SNW1: variants seen among roughly 807,000 people sequenced by gnomAD.
SNW1 encodes the protein SNW domain-containing protein 1.
SNW1 carries 9 observed loss-of-function variants against 75.6 expected under a neutral mutation model. That is an observed-to-expected ratio of 0.12 (90% confidence interval 0.07 to 0.21). The LOEUF (loss-of-function observed/expected upper bound fraction) is 0.21, where lower values mean the gene tolerates loss of function less well. SNW1 is among the 10% of genes least tolerant of loss of function. SNW1 has a pLI of 1.00. For synonymous variants in SNW1, 200 were observed against 219.1 expected, an observed-to-expected ratio of 0.91 and a Z score of 0.77; for missense variants, 409 against 670.9, an observed-to-expected ratio of 0.61 and a Z score of 4.31.
intron 3 of SNW1, among the ~76,000 whole-genome samples, chr14:77,743,859 G>A (rs376418531): frequency 5.9e-5 from 9 of 152,132 alleles, no homozygotes; most frequent in African/African-American, 2.2e-4. Flanking sequence ...AGTGCCAATG[G>A]CACATAATAG....
chr14:77,726,664 A>T (rs904554838), intron 10 of SNW1, among the ~76,000 whole-genome samples: 4 of 152,112 alleles, frequency 2.6e-5, no homozygotes, highest in Non-Finnish European at 5.9e-5. Context: ...AATAAAAAAA[A>T]TTAGCCAGGC....
chr14:77,726,879 G>A (rs2080590073), intron 10 of SNW1, among the ~76,000 whole-genome samples: 1 of 151,962 alleles, frequency 6.6e-6, no homozygotes, highest in Non-Finnish European at 1.5e-5. Flanking sequence ...CTGCCTTCTT[G>A]TTTTTCAGCT....
intron 8 of SNW1, among the ~76,000 whole-genome samples, chr14:77,732,969 A>T (rs2080639263): frequency 6.6e-6 from 1 of 152,184 alleles, no homozygotes; most frequent in African/African-American, 2.4e-5. Context: ...CTAAAATTAA[A>T]TTTAAATATG....
At chr14:77,740,579 A>G (rs756351651) in intron 3 of SNW1, among the ~76,000 whole-genome samples, 2 of 152,050 alleles carry the variant, frequency 1.3e-5, no homozygotes. Flanking sequence ...ACTTTTCCCC[A>G]ATTCTAGGCC....
chr14:77,759,166 T>A (rs2080865579), intron 1 of SNW1, among the ~76,000 whole-genome samples: 1 of 152,188 alleles, frequency 6.6e-6, no homozygotes, highest in East Asian at 1.9e-4. Flanking sequence ...TCCTCAAGAC[T>A]GGCCATTTAA....
chr14:77,758,522 T>C (rs1292012403), intron 1 of SNW1, among the ~76,000 whole-genome samples: 1 of 152,160 alleles, frequency 6.6e-6, no homozygotes, highest in Non-Finnish European at 1.5e-5. Flanking sequence ...AGAGCTGTTT[T>C]CTGACCACCT....
chr14:77,731,744 A>G lies in SNW1; in HGVS notation c.892-615T>C, dbSNP rs572648999. 1.2e-4 allele frequency among the ~76,000 whole-genome samples: 19 copies of G among 152,214 alleles called. No individual in the cohort carries two copies. The South Asian group carries it at 3.7e-3, about 30-fold the overall frequency. ...TTAATTCCATAATATTTATATTTAC[A>G]TATATTTTTTGAGATGAAGTGTCTT... is the stretch of plus-strand genomic sequence containing the variant. On this transcript the variant is annotated intron_variant, in intron 9 of 13. Transcript: ENST00000261531.
Position 77,751,805 on chromosome 14 carries a change from GACACAC to G in SNW1, c.169-331_169-326del, listed in dbSNP as rs61135876. 5.2e-3 allele frequency among the ~76,000 whole-genome samples: 722 copies of G among 139,540 alleles called. 4 individuals are homozygous for G. The highest frequency in any genetic ancestry group is 0.018 in the South Asian group (74 of 4,040). 91.5% of individuals were successfully genotyped at this position (139,540 alleles called of 152,430 possible). On this transcript the variant is annotated intron_variant, in intron 2 of 13. Coordinates refer to ENST00000261531, the MANE Select transcript of SNW1 (RefSeq NM_012245.3). ...AATGATTAGAAAGCAGTCATGGGAA[GACACAC>G]ACACACACACACACACACACACACA... is the stretch of plus-strand genomic sequence containing the variant.
chr14:77,751,819 C>A (rs1271060999), intron 2 of SNW1, among the ~76,000 whole-genome samples: 1 of 119,720 alleles, frequency 8.4e-6, no homozygotes, highest in Non-Finnish European at 1.8e-5. Context: ...CACACACACA[C>A]ACACACACAC....
chr14:77,743,314 T>G (rs1391877927), intron 3 of SNW1, among the ~76,000 whole-genome samples: 6 of 152,262 alleles, frequency 3.9e-5, no homozygotes, highest in African/African-American at 1.4e-4. Context: ...AACTTTTTCA[T>G]CCCCAATTTT....
intron 6 of SNW1, among the ~76,000 whole-genome samples, 190 bp downstream of exon 6, chr14:77,736,781 A>G (rs371727203): frequency 1.3e-5 from 2 of 151,482 alleles, no homozygotes; most frequent in Non-Finnish European, 2.9e-5. Flanking sequence ...CTCTGTCCCT[A>G]CCTCCTTCCC....
At chr14:77,733,293 A>C in intron 8 of SNW1, among the ~76,000 whole-genome samples, 1 of 152,236 alleles carries the variant, frequency 6.6e-6, no homozygotes, top group East Asian at 1.9e-4. Context: ...ATTTTAATAA[A>C]AGGAAATCAC....
chr14:77,732,499 T>C lies in SNW1; in HGVS notation c.877A>G (p.Ile293Val), dbSNP rs760687281. 6.3e-6 allele frequency: 10 copies of C among 1,578,702 alleles called. No individual in the cohort carries two copies. Among genetic ancestry groups the C allele is most frequent in the African/African-American group, 2.7e-5 (2 of 74,200 alleles). The part of the protein sequence containing the change: ...NFAKLAEALY[I>V]ADRKAREAVE... ...AACAAACCAACCTTCCGATCAGCAA[T>C]GTAGAGGGCTTCTGCCAATTTGGCG... Residue 293 changes from isoleucine to valine, a missense_variant, in exon 9 of 14, where the codon ATT (isoleucine) becomes GTT (valine). By Grantham distance (29) the Ile-to-Val change is conservative. Around this residue, in one of 9 missense-constraint regions of SNW1, gnomAD observed 37 missense variants for 110.0 expected, o/e 0.34. Transcript: ENST00000261531.
At chr14:77,745,108 T>C (rs1186628142) in intron 3 of SNW1, among the ~76,000 whole-genome samples, 1 of 152,062 alleles carries the variant, frequency 6.6e-6, no homozygotes, top group African/African-American at 2.4e-5. Context: ...CTTAAAAACA[T>C]TATAGTCAAA....
chr14:77,731,061 A>G lies in SNW1; in HGVS notation c.960T>C (p.His320=). The change falls in exon 10 of 14, where the codon CAT becomes CAC. Residue 320 remains histidine, a synonymous_variant. Coordinates refer to ENST00000261531, the MANE Select transcript of SNW1 (RefSeq NM_012245.3). ...RKMAQKEKEK[H]EEKLREMAQK... ...GGGCCATTTCTCTAAGTTTCTCTTC[A>G]TGTTTTTCCTTTTCTTTCTGAGCCA... is the stretch of plus-strand genomic sequence containing the variant. The G allele has an allele frequency of 1.2e-6, 2 of 1,613,832 alleles. No homozygotes were observed. The highest frequency in any genetic ancestry group is 1.7e-6 in the Non-Finnish European group (2 of 1,179,942).
At chr14:77,758,025 TTG>T (rs1188097342) in intron 1 of SNW1, among the ~76,000 whole-genome samples, 68 of 47,654 alleles carry the variant, frequency 1.4e-3, no homozygotes, top group South Asian at 3.4e-3. Flanking sequence ...TATCTATCTA[TTG>T]CAATCAATCA....
chr14:77,751,196 A>T lies in SNW1; in HGVS notation c.330+123T>A. ...CCAAGTAGCTGGGAATATAGGTACG[A>T]GCCACCATGCCCAGCCACTGCTACT... On this transcript the variant is annotated intron_variant, in intron 3 of 13. Transcript: ENST00000261531. 3.1e-6 allele frequency: 3 copies of T among 974,192 alleles called. No individual in the cohort carries two copies. In the South Asian group the frequency reaches 5.0e-5, roughly 16 times the overall value. 60.3% of individuals were successfully genotyped at this position (974,192 alleles called of 1,614,324 possible).
intron 2 of SNW1, among the ~76,000 whole-genome samples, chr14:77,752,673 T>C (rs2080817586): frequency 6.6e-6 from 1 of 152,022 alleles, no homozygotes. Flanking sequence ...TTCTTTTAGC[T>C]CAAAACAGCC....
At chr14:77,718,314 C>T in intron 13 of SNW1, 28 bp from the exon 14 acceptor site, 1 of 1,614,130 alleles carries the variant, frequency 6.2e-7, no homozygotes, top group Non-Finnish European at 8.5e-7. Flanking sequence ...AAACTATGAA[C>T]TACTTTGCTT....
Sources: gnomAD v4.1 joint callset for allele counts (sites outside exome capture counted in the v4.1 genomes callset) on GRCh38, gnomAD v4.1.1 for gene constraint, gnomAD v4.1.1 regional missense constraint, MANE v1.5 for transcripts, NCBI Gene and HGNC (gene_info 2026-07-23, HGNC 2026-07-21) for gene names.